The following FILIP1L variants were observed in gnomAD, a reference collection of about 807,000 sequenced individuals.
The protein encoded by FILIP1L is filamin A-interacting protein 1-like.
FILIP1L carries 55 observed loss-of-function variants against 96.6 expected under a neutral mutation model. That is an observed-to-expected ratio of 0.57 (90% confidence interval 0.46 to 0.71). The LOEUF is 0.71. Among genes scored for constraint, FILIP1L ranks in the 30% least tolerant of loss-of-function variants. The probability of loss-of-function intolerance (pLI) is 0.00; values close to 1 mark genes in which losing one functional copy is unlikely to be tolerated. For synonymous variants in FILIP1L, 467 were observed against 473.9 expected (o/e 0.99, Z 0.19); for missense variants, 1,304 against 1,321.2 (o/e 0.99, Z 0.20).
intron 4 of FILIP1L, among the ~76,000 whole-genome samples, chr3:99,922,895 G>C (rs1707168797): frequency 6.6e-6 from 1 of 152,054 alleles, no homozygotes; most frequent in African/African-American, 2.4e-5. Context: ...TTAAAGCATT[G>C]CAATTTGGCT....
intron 4 of FILIP1L, among the ~76,000 whole-genome samples, chr3:99,879,173 T>C (rs935147384): frequency 6.6e-6 from 1 of 152,232 alleles, no homozygotes; most frequent in Non-Finnish European, 1.5e-5. Flanking sequence ...TTTAAACTGT[T>C]ATTTAGAAAT....
At chr3:99,938,050 A>AGTGTGTGTGTGTGT (rs71625545) in intron 1 of FILIP1L, among the ~76,000 whole-genome samples, 1 of 148,902 alleles carries the variant, frequency 6.7e-6, no homozygotes, top group African/African-American at 2.5e-5. Context: ...AGGCTCAGGA[A>AGTGTGTGTGTGTGT]GTGTGTGTGT....
intron 1 of FILIP1L, among the ~76,000 whole-genome samples, chr3:100,031,116 G>T (rs1576655611): frequency 1.3e-5 from 2 of 151,994 alleles, no homozygotes; most frequent in East Asian, 3.9e-4. Flanking sequence ...CTATAATTTA[G>T]AACATATTTT....
At chr3:100,011,106 T>C (rs1000791240) in intron 1 of FILIP1L, among the ~76,000 whole-genome samples, 1 of 152,178 alleles carries the variant, frequency 6.6e-6, no homozygotes, top group Non-Finnish European at 1.5e-5. Context: ...GCTTCTGATA[T>C]TAAGCACGAC....
intron 1 of FILIP1L, among the ~76,000 whole-genome samples, chr3:100,060,026 T>C (rs1199170279): frequency 9.3e-6 from 1 of 107,324 alleles, no homozygotes. Flanking sequence ...GTTTTCCTGC[T>C]GGAGGAGGAC....
chr3:99,889,419 A>G (rs1332922403), intron 4 of FILIP1L, among the ~76,000 whole-genome samples: 1 of 152,064 alleles, frequency 6.6e-6, no homozygotes, highest in Non-Finnish European at 1.5e-5. Context: ...GTAGTTACTA[A>G]TGTCTTTTCT....
intron 1 of FILIP1L, among the ~76,000 whole-genome samples, chr3:100,110,829 G>C (rs2066478785): frequency 6.6e-6 from 1 of 152,070 alleles, no homozygotes; most frequent in African/African-American, 2.4e-5. Context: ...CCAGAAGCAG[G>C]ATCTGGACTG....
chr3:100,035,814 T>C (rs775507212), intron 1 of FILIP1L, among the ~76,000 whole-genome samples: 15 of 152,218 alleles, frequency 9.9e-5, no homozygotes, highest in Non-Finnish European at 1.8e-4. Flanking sequence ...CATCAACTCA[T>C]GGCCAACTTT....
rs916676754 is a variant in FILIP1L at position 99,873,461 on chromosome 3, T to A, written c.606-22391A>T. Among the ~76,000 whole-genome samples the A allele has an allele frequency of 2.0e-5, 3 of 152,174 alleles. No homozygotes were observed. The South Asian group carries it at 6.2e-4, about 32-fold the overall frequency. The stretch of plus-strand genomic sequence containing the variant: ...ATATCCAGTCTTTTATAAACAGTTC[T>A]CTTCTTGCCCCTCTTCCTTTTTCCT... On this transcript the variant is annotated intron_variant, in intron 4 of 5. Coordinates refer to ENST00000477258, the MANE Select transcript of FILIP1L (RefSeq NM_001387850.1).
At chr3:99,933,015 A>G (rs145321860) in intron 1 of FILIP1L, among the ~76,000 whole-genome samples, 6 of 152,342 alleles carry the variant, frequency 3.9e-5, no homozygotes, top group Non-Finnish European at 7.3e-5. Context: ...AAGTCTCACA[A>G]CAACACTATG....
At chr3:99,899,338 T>TA (rs1156784976) in intron 4 of FILIP1L, among the ~76,000 whole-genome samples, 5 of 152,220 alleles carry the variant, frequency 3.3e-5, no homozygotes, top group African/African-American at 1.2e-4. Flanking sequence ...GGTCATTTCT[T>TA]ATTATGATGC....
intron 1 of FILIP1L, among the ~76,000 whole-genome samples, chr3:99,935,129 C>G (rs1707619737): frequency 6.6e-6 from 1 of 152,096 alleles, no homozygotes; most frequent in Non-Finnish European, 1.5e-5. Flanking sequence ...TCATGATACT[C>G]TCATGCTTTG....
At chr3:99,942,884 C>T (rs1707893700) in intron 1 of FILIP1L, among the ~76,000 whole-genome samples, 1 of 151,386 alleles carries the variant, frequency 6.6e-6, no homozygotes, top group South Asian at 2.1e-4. Context: ...AAAGAGAGTG[C>T]CATGGGGGAA....
intron 5 of FILIP1L, among the ~76,000 whole-genome samples, chr3:99,846,684 G>T (rs557527573): frequency 1.3e-5 from 2 of 152,326 alleles, no homozygotes; most frequent in Non-Finnish European, 2.9e-5. Context: ...CACCATGGAA[G>T]TGTTTCTGTC....
chr3:100,082,160 C>T (rs1431108195), intron 1 of FILIP1L, among the ~76,000 whole-genome samples: 1 of 152,068 alleles, frequency 6.6e-6, no homozygotes, highest in Non-Finnish European at 1.5e-5. Context: ...TTTATTTTCC[C>T]ATTATGTTGT....
intron 1 of FILIP1L, among the ~76,000 whole-genome samples, chr3:99,945,013 G>A (rs1479870877): frequency 6.6e-6 from 1 of 152,106 alleles, no homozygotes; most frequent in Non-Finnish European, 1.5e-5. Context: ...TATAAAGCAG[G>A]AGCTTATAAC....
intron 1 of FILIP1L, among the ~76,000 whole-genome samples, chr3:99,966,401 T>A (rs928436429): frequency 1.3e-5 from 2 of 152,154 alleles, no homozygotes; most frequent in African/African-American, 4.8e-5. Context: ...TGGATAGATT[T>A]TTTTTTTCGG....
At chr3:100,069,681 TGTC>T (rs1382466758) in intron 1 of FILIP1L, among the ~76,000 whole-genome samples, 6 of 152,174 alleles carry the variant, frequency 3.9e-5, no homozygotes, top group African/African-American at 1.4e-4. Context: ...TATCAGGAAA[TGTC>T]GTCATGGTCT....
intron 1 of FILIP1L, among the ~76,000 whole-genome samples, chr3:100,066,192 AT>A (rs2107358458): frequency 6.6e-6 from 1 of 152,204 alleles, no homozygotes. Flanking sequence ...CAGTATAATG[AT>A]TTTGTTTTAC....
Sources: gnomAD v4.1 joint callset for allele counts (sites outside exome capture counted in the v4.1 genomes callset) on GRCh38, gnomAD v4.1.1 for gene constraint, MANE v1.5 for transcripts, NCBI Gene and HGNC (gene_info 2026-07-23, HGNC 2026-07-21) for gene names.